Variants in TAFA4 observed in about 807,000 individuals in gnomAD.
TAFA4 encodes the protein TAFA chemokine like family member 4, also known as chemokine-like protein TAFA-4.
In TAFA4, 20 loss-of-function variants were observed where a neutral mutation model predicts 21.1. That is an observed-to-expected ratio of 0.95 (90% CI 0.67 to 1.38). The LOEUF is 1.38. Among genes scored for constraint, TAFA4 ranks in the 40% most tolerant of loss-of-function variants. The pLI, the probability that TAFA4 is intolerant of heterozygous loss-of-function variation, is 0.00. For missense variants in TAFA4, 211 were observed against 180.9 expected (o/e 1.17, Z -0.95); for synonymous variants, 71 against 67.4 (o/e 1.05, Z -0.26).
intron 3 of TAFA4, among the ~76,000 whole-genome samples, chr3:68,781,279 A>C (rs1703149731): frequency 6.6e-6 from 1 of 151,952 alleles, no homozygotes; most frequent in Non-Finnish European, 1.5e-5. Flanking sequence ...AAAATGGAAA[A>C]AAATAACATC....
chr3:68,807,497 T>A (rs1703727460), intron 3 of TAFA4, among the ~76,000 whole-genome samples: 1 of 152,202 alleles, frequency 6.6e-6, no homozygotes, highest in Admixed American at 6.5e-5. Context: ...CAATGACATT[T>A]GATATCTTAC....
At position 68,790,880 on chromosome 3, in the gene TAFA4, C is replaced by T. The variant is rs79404207; in HGVS notation, c.131-37862G>A. 9.7e-4 allele frequency among the ~76,000 whole-genome samples: 147 copies of T among 152,290 alleles called. 1 individual carries two copies. The highest frequency in any genetic ancestry group is 3.4e-3 in the African/African-American group (143 of 41,580). ...CTCTCTGGCCCACTTCCTCAACATACTTATTTCCTTTCAAAGTATTTATGG... is the reference window on the plus strand; with the variant it reads ...CTCTCTGGCCCACTTCCTCAACATATTTATTTCCTTTCAAAGTATTTATGG... On this transcript the variant is annotated intron_variant, in intron 3 of 5. Transcript: ENST00000295569.
At chr3:68,740,284 G>A (rs918552253) in intron 4 of TAFA4, among the ~76,000 whole-genome samples, 5 of 152,150 alleles carry the variant, frequency 3.3e-5, no homozygotes, top group Admixed American at 1.3e-4. Flanking sequence ...GGTTACAATG[G>A]TATTGCAACT....
At chr3:68,846,292 C>A (rs1704792213) in intron 3 of TAFA4, among the ~76,000 whole-genome samples, 1 of 151,766 alleles carries the variant, frequency 6.6e-6, no homozygotes, top group African/African-American at 2.4e-5. Context: ...ATCCTTTCTT[C>A]TGCTTGATTG....
At chr3:68,891,418 G>C (rs2089729427) in intron 1 of TAFA4, among the ~76,000 whole-genome samples, 1 of 152,172 alleles carries the variant, frequency 6.6e-6, no homozygotes, top group African/African-American at 2.4e-5. Flanking sequence ...ATCACCTCCA[G>C]AGTGAGGAGG....
Position 68,733,146 on chromosome 3 carries a change from C to G in TAFA4, c.419G>C (p.Arg140Pro), listed in dbSNP as rs746528039. 2 of 1,612,998 alleles carry G rather than the reference C, an allele frequency of 1.2e-6. No homozygotes were observed. Among genetic ancestry groups the G allele is most frequent in the African/African-American group, 1.3e-5 (1 of 74,856 alleles). The change falls in exon 6 of 6, where the codon CGG (arginine) becomes CCG (proline). Residue 140 changes from arginine (R) to proline (P), a missense_variant. Coordinates refer to ENST00000295569, the MANE Select transcript of TAFA4 (RefSeq NM_182522.5). The stretch of plus-strand genomic sequence containing the variant: ...TGAAGCACACCTCTCTCTTCGCTAC[C>G]GCGTTACCTAAAACAAATCAAAATA... ...GNKVKTTKVT[R>P]
chr3:68,875,392 C>A (rs1384437512), intron 3 of TAFA4, among the ~76,000 whole-genome samples: 1 of 152,114 alleles, frequency 6.6e-6, no homozygotes, highest in Non-Finnish European at 1.5e-5. Flanking sequence ...CGTGCAAAAG[C>A]TCCCCAGGGA....
chr3:68,851,259 T>C (rs1704941124), intron 3 of TAFA4, among the ~76,000 whole-genome samples: 1 of 152,060 alleles, frequency 6.6e-6, no homozygotes, highest in African/African-American at 2.4e-5. Flanking sequence ...ACCAAACACA[T>C]GTTCTCACTT....
At chr3:68,803,131 C>A (rs7653746) in intron 3 of TAFA4, among the ~76,000 whole-genome samples, 2,650 of 123,632 alleles carry the variant, frequency 0.021, 79 homozygotes, top group African/African-American at 0.075. Context: ...TTTCTATCCA[C>A]TACAGCCAGT....
Position 68,732,739 on chromosome 3 carries a change from A to G in TAFA4, c.*403T>C, listed in dbSNP as rs997717157. ...TTTAAAACCACTTTAATACAAGGAC[A>G]AAAGGAAAAGTTCAAAAGAGGAACA... On this transcript the variant is annotated 3_prime_UTR_variant, in exon 6 of 6. Coordinates refer to ENST00000295569, the MANE Select transcript of TAFA4 (RefSeq NM_182522.5). The G allele has an allele frequency of 1.7e-5, 3 of 174,090 alleles. No individual in the cohort carries two copies. Among genetic ancestry groups the G allele is most frequent in the Admixed American group, 6.2e-5 (1 of 16,062 alleles). 10.8% of individuals were successfully genotyped at this position (174,090 alleles called of 1,614,324 possible).
At chr3:68,822,886 C>G (rs1348689531) in intron 3 of TAFA4, among the ~76,000 whole-genome samples, 1 of 152,198 alleles carries the variant, frequency 6.6e-6, no homozygotes, top group East Asian at 1.9e-4. Flanking sequence ...GCTAACTCAT[C>G]TATCCTGGTA....
At chr3:68,807,804 A>G (rs991719964) in intron 3 of TAFA4, among the ~76,000 whole-genome samples, 1 of 152,292 alleles carries the variant, frequency 6.6e-6, no homozygotes, top group East Asian at 1.9e-4. Flanking sequence ...TATTAAGTTC[A>G]CCAACCTAAC....
Position 68,894,912 on chromosome 3 carries a change from T to A in TAFA4, c.-122-9602A>T, listed in dbSNP as rs568406021. ...TCTTGTTGCCCAGCCTGGAGTGCAA[T>A]GGCGTGGTCTCCGCTCACTGCAACA... On this transcript the variant is annotated intron_variant, in intron 1 of 5. Coordinates refer to ENST00000295569, the MANE Select transcript of TAFA4 (RefSeq NM_182522.5). 2.2e-3 allele frequency among the ~76,000 whole-genome samples: 339 copies of A among 152,344 alleles called. 4 individuals carry two copies. The highest frequency in any genetic ancestry group is 2.1e-3 in the Non-Finnish European group (142 of 68,034).
At chr3:68,901,572 T>A (rs1307123142) in intron 1 of TAFA4, among the ~76,000 whole-genome samples, 2 of 152,154 alleles carry the variant, frequency 1.3e-5, no homozygotes, top group Non-Finnish European at 2.9e-5. Flanking sequence ...AGGTAAAATT[T>A]AAAATCAAGT....
intron 2 of TAFA4, among the ~76,000 whole-genome samples, chr3:68,881,763 C>T (rs2089621148): frequency 6.6e-6 from 1 of 152,096 alleles, no homozygotes. Flanking sequence ...TATGGGCCGA[C>T]AATAAAAACA....
intron 3 of TAFA4, among the ~76,000 whole-genome samples, chr3:68,826,142 G>A (rs1021098908): frequency 4.6e-5 from 7 of 152,186 alleles, no homozygotes; most frequent in African/African-American, 1.7e-4. Flanking sequence ...TATTTGCTCC[G>A]AAGGGAGAAG....
At chr3:68,783,715 A>G (rs200426466) in intron 3 of TAFA4, among the ~76,000 whole-genome samples, 4,412 of 59,282 alleles carry the variant, frequency 0.074, 112 homozygotes, top group Non-Finnish European at 0.14. Flanking sequence ...GAGAAAGAAA[A>G]AGAAAGAAAG....
At chr3:68,755,630 G>A (rs1702647234) in intron 3 of TAFA4, among the ~76,000 whole-genome samples, 1 of 152,166 alleles carries the variant, frequency 6.6e-6, no homozygotes, top group African/African-American at 2.4e-5. Context: ...AGATGTGCTG[G>A]TTTGTCAAGT....
chr3:68,904,751 C>G (rs2089882118), intron 1 of TAFA4, among the ~76,000 whole-genome samples: 1 of 152,240 alleles, frequency 6.6e-6, no homozygotes, highest in African/African-American at 2.4e-5. Flanking sequence ...GAGGTGAGGC[C>G]ATTTATTTAT....
Sources: gnomAD v4.1 joint callset for allele counts (sites outside exome capture counted in the v4.1 genomes callset) on GRCh38, gnomAD v4.1.1 for gene constraint, MANE v1.5 for transcripts, NCBI Gene and HGNC (gene_info 2026-07-23, HGNC 2026-07-21) for gene names.